Variants in PTPRK observed in about 807,000 individuals in gnomAD.
The protein encoded by PTPRK is protein tyrosine phosphatase receptor type K, also known as receptor-type tyrosine-protein phosphatase kappa.
PTPRK carries 75 observed loss-of-function variants against 178.0 expected under a neutral mutation model. The ratio of observed to expected loss-of-function variants is 0.42; its 90% CI spans 0.35 to 0.51. The LOEUF is 0.51. Ranked by LOEUF, PTPRK falls within the 20% of genes least tolerant of loss-of-function variation. PTPRK has a pLI of 0.02. For synonymous variants in PTPRK, 637 were observed against 620.6 expected, an observed-to-expected ratio of 1.03 and a Z score of -0.39; for missense variants, 1,441 against 1,797.8, an observed-to-expected ratio of 0.80 and a Z score of 3.59.
Position 128,163,299 on chromosome 6 carries a change from T to C in PTPRK, c.1162+21133A>G, listed in dbSNP as rs1328198260. Among the ~76,000 whole-genome samples the C allele has an allele frequency of 2.0e-5, 3 of 150,990 alleles. No individual in the cohort carries two copies. The East Asian group carries it at 5.8e-4, about 29-fold the overall frequency. On this transcript the variant is annotated intron_variant, in intron 7 of 29. Transcript: ENST00000368226. ...AGCACAGTGCACTGAAAATAATAAA[T>C]AATATGTTAGAAATAAGTATTAATA...
intron 2 of PTPRK, among the ~76,000 whole-genome samples, chr6:128,342,395 A>G (rs905334286): frequency 7.9e-5 from 12 of 152,206 alleles, no homozygotes; most frequent in South Asian, 2.1e-4. Flanking sequence ...CAAGGTTTCT[A>G]TAAGTGCCTA....
At chr6:128,303,779 T>A (rs1044026096) in intron 3 of PTPRK, among the ~76,000 whole-genome samples, 2 of 152,226 alleles carry the variant, frequency 1.3e-5, no homozygotes, top group Non-Finnish European at 2.9e-5. Flanking sequence ...AAAATGAATT[T>A]TTTTTCTTTA....
rs746268184 is a variant in PTPRK at position 127,985,786 on chromosome 6, A to G, written c.3186T>C (p.Leu1062=). 1 of 1,613,974 alleles carries G rather than the reference A, an allele frequency of 6.2e-7. No individual in the cohort carries two copies. The highest frequency in any genetic ancestry group is 8.5e-7 in the Non-Finnish European group (1 of 1,179,892). Residue 1062 remains leucine, a synonymous_variant, in exon 22 of 30, where the codon CTT becomes CTC. Coordinates refer to ENST00000368226, the MANE Select transcript of PTPRK (RefSeq NM_002844.4). The part of the protein sequence containing the change: ...HGVPYHATGL[L]SFIRRVKLSN... ...ATAACTTGACTCGCCGGATAAAGGA[A>G]AGCAGCCCTGTAGCATGGTAGGGCA...
At chr6:128,178,420 T>A (rs190866336) in intron 7 of PTPRK, among the ~76,000 whole-genome samples, 19 of 151,972 alleles carry the variant, frequency 1.3e-4, no homozygotes, top group African/African-American at 3.9e-4. Context: ...CAATCTCTCA[T>A]GATTTTCCCC....
intron 6 of PTPRK, among the ~76,000 whole-genome samples, chr6:128,195,101 A>C (rs1375445815): frequency 6.6e-6 from 1 of 150,716 alleles, no homozygotes; most frequent in African/African-American, 2.5e-5. Flanking sequence ...AATATCCTGA[A>C]TCTTCCACAT....
chr6:128,094,223 A>C (rs1388482980), intron 7 of PTPRK, among the ~76,000 whole-genome samples: 1 of 152,160 alleles, frequency 6.6e-6, no homozygotes, highest in East Asian at 1.9e-4. Context: ...AGGCCATGAG[A>C]AGTCATTGAG....
intron 1 of PTPRK, among the ~76,000 whole-genome samples, chr6:128,463,672 TATTTTATTCAA>T (rs1164136744): frequency 1.2e-4 from 18 of 151,952 alleles, no homozygotes; most frequent in Non-Finnish European, 2.2e-4. Flanking sequence ...GAAATTGAAG[TATTTTATTCAA>T]ATTTTATTTA....
chr6:128,107,487 C>T (rs919719465), intron 7 of PTPRK, among the ~76,000 whole-genome samples: 50 of 152,124 alleles, frequency 3.3e-4, no homozygotes, highest in African/African-American at 1.2e-3. Context: ...ATTCCTCTAG[C>T]CCAAAGCTGT....
chr6:128,057,948 C>G (rs4895829), intron 13 of PTPRK, among the ~76,000 whole-genome samples: 130,937 of 152,212 alleles, frequency 0.86, 56,493 homozygotes, highest in East Asian at 1. Context: ...TTGTTGTCTG[C>G]CTTTTACTCA....
intron 10 of PTPRK, among the ~76,000 whole-genome samples, chr6:128,081,889 G>A (rs1490000263): frequency 6.6e-6 from 1 of 151,946 alleles, no homozygotes; most frequent in East Asian, 1.9e-4. Context: ...ACAATAGAAT[G>A]TAAAGTTTAA....
rs114148331 is a variant in PTPRK, at chr6:128,459,242, C to T, written c.100+61017G>A. Among the ~76,000 whole-genome samples the T allele has an allele frequency of 9.2e-3, 1,398 of 152,118 alleles. 22 individuals are homozygous for T. Among genetic ancestry groups the T allele is most frequent in the African/African-American group, 0.032 (1,312 of 41,498 alleles). On this transcript the variant is annotated intron_variant, in intron 1 of 29. Transcript: ENST00000368226. ...ATACGATCACACTAAATTAATTTAC[C>T]GGGCTTCTATAATGGTCAGGGCATG...
intron 3 of PTPRK, among the ~76,000 whole-genome samples, chr6:128,299,482 C>T (rs973421576): frequency 5.3e-5 from 8 of 151,846 alleles, no homozygotes; most frequent in African/African-American, 1.9e-4. Context: ...TACTACAAGG[C>T]TACAGTAACC....
chr6:128,329,743 A>T (rs1830026726), intron 2 of PTPRK, among the ~76,000 whole-genome samples: 1 of 151,630 alleles, frequency 6.6e-6, no homozygotes, highest in Non-Finnish European at 1.5e-5. Flanking sequence ...TGCTTTACTC[A>T]GTGTACCATT....
chr6:128,040,982 T>C (rs1051158645), intron 13 of PTPRK, among the ~76,000 whole-genome samples: 6 of 152,044 alleles, frequency 3.9e-5, no homozygotes, highest in African/African-American at 1.4e-4. Flanking sequence ...TGGGGTAAAA[T>C]TCATTTTCTC....
chr6:128,439,576 A>G (rs1266107769), intron 1 of PTPRK, among the ~76,000 whole-genome samples: 1 of 152,218 alleles, frequency 6.6e-6, no homozygotes, highest in Non-Finnish European at 1.5e-5. Context: ...TGGGGTAAAG[A>G]GAAAGTATCA....
intron 13 of PTPRK, among the ~76,000 whole-genome samples, chr6:128,013,331 C>A (rs902393450): frequency 2.6e-5 from 4 of 151,396 alleles, no homozygotes; most frequent in African/African-American, 9.7e-5. Context: ...CCATTTTCAT[C>A]TCTTTAGTTA....
At position 128,310,030 on chromosome 6, in the gene PTPRK, A is replaced by G. The variant is rs530827683; in HGVS notation, c.495+12009T>C. 2.1e-3 allele frequency among the ~76,000 whole-genome samples: 319 copies of G among 152,326 alleles called. 1 individual carries two copies. Among genetic ancestry groups the G allele is most frequent in the Admixed American group, 5.6e-3 (86 of 15,298 alleles). On this transcript the variant is annotated intron_variant, in intron 3 of 29. Coordinates refer to ENST00000368226, the MANE Select transcript of PTPRK (RefSeq NM_002844.4). ...GAAATGCAAAGGTACTAGACAATGA[A>G]TAGCCTTTCTCTTATCTTTCTTTTC... is the stretch of plus-strand genomic sequence containing the variant.
At chr6:128,164,962 T>C (rs1164330898) in intron 7 of PTPRK, among the ~76,000 whole-genome samples, 2 of 151,290 alleles carry the variant, frequency 1.3e-5, no homozygotes, top group Non-Finnish European at 3.0e-5. Flanking sequence ...TACAAAGACC[T>C]CATTGACTAA....
intron 1 of PTPRK, among the ~76,000 whole-genome samples, chr6:128,415,937 G>C (rs1003809726): frequency 2.0e-5 from 3 of 152,130 alleles, no homozygotes. Flanking sequence ...GTTTGGGGCT[G>C]ATAATATATT....
Sources: allele counts gnomAD v4.1 joint callset (sites outside exome capture counted in the v4.1 genomes callset), GRCh38; gene constraint gnomAD v4.1.1; transcripts MANE v1.5; gene names NCBI Gene and HGNC (gene_info 2026-07-23, HGNC 2026-07-21).